Variants in NRXN1 observed in about 807,000 individuals in gnomAD.
NRXN1 encodes the protein neurexin 1.
Under a neutral mutation model 150.9 loss-of-function variants are expected in NRXN1, and 39 were observed. The observed-to-expected ratio is 0.26, with a 90% CI of 0.20 to 0.34. NRXN1 has a LOEUF of 0.34. NRXN1 is among the 10% of genes least tolerant of loss of function. The pLI is 1.00. For synonymous variants in NRXN1, 924 were observed against 757.0 expected (o/e 1.22, Z -3.62); for missense variants, 1,815 against 1,949.9 (o/e 0.93, Z 1.30).
intron 2 of NRXN1, among the ~76,000 whole-genome samples, chr2:50,952,586 C>A (rs570174878): frequency 3.3e-5 from 5 of 152,188 alleles, no homozygotes; most frequent in South Asian, 2.1e-4. Flanking sequence ...TATGCTACCA[C>A]GGAGTTCTTA....
At chr2:50,642,523 T>G (rs1189341317) in intron 5 of NRXN1, among the ~76,000 whole-genome samples, 1 of 152,012 alleles carries the variant, frequency 6.6e-6, no homozygotes, top group African/African-American at 2.4e-5. Flanking sequence ...CAAATGAAGT[T>G]AATAAGTTTG....
intron 5 of NRXN1, among the ~76,000 whole-genome samples, chr2:50,673,801 G>T (rs1441047433): frequency 6.6e-6 from 1 of 152,040 alleles, no homozygotes; most frequent in Non-Finnish European, 1.5e-5. Flanking sequence ...ACAATGACAT[G>T]TAAGACATAG....
chr2:50,431,832 C>CTT (rs139576204), intron 17 of NRXN1, among the ~76,000 whole-genome samples: 1 of 149,612 alleles, frequency 6.7e-6, no homozygotes, highest in African/African-American at 2.4e-5. Context: ...TGGTTCTCAA[C>CTT]TTTTTTTTTT....
At chr2:50,595,264 G>C (rs533617442) in intron 8 of NRXN1, among the ~76,000 whole-genome samples, 1 of 151,940 alleles carries the variant, frequency 6.6e-6, no homozygotes, top group Admixed American at 6.6e-5. Context: ...ACATATTCTG[G>C]GTTTTGGAAG....
rs185705967 is a variant in NRXN1 at position 50,859,133 on chromosome 2, C to T, written c.832+62736G>A. On this transcript the variant is annotated intron_variant, in intron 5 of 22. Transcript: ENST00000401669. The stretch of plus-strand genomic sequence containing the variant: ...TATAAAGTGAAGAAAAGTAAGGGTA[C>T]ATTTTTTTTTCCTTTATTTTTTCCC... 2.1e-4 allele frequency among the ~76,000 whole-genome samples: 32 copies of T among 151,978 alleles called. No homozygotes were observed. The East Asian group carries it at 6.0e-3, about 29-fold the overall frequency.
chr2:50,850,722 A>T (rs1018673966), intron 5 of NRXN1, among the ~76,000 whole-genome samples: 1 of 147,948 alleles, frequency 6.8e-6, no homozygotes, highest in African/African-American at 2.4e-5. Context: ...TAAAAAATCA[A>T]TATCAAAGAT....
intron 9 of NRXN1, among the ~76,000 whole-genome samples, chr2:50,541,528 A>G (rs1374900605): frequency 6.6e-6 from 1 of 152,140 alleles, no homozygotes; most frequent in Non-Finnish European, 1.5e-5. Context: ...GCTTGCTTTG[A>G]GCAAAGTATT....
At chr2:50,770,160 C>T (rs566174650) in intron 5 of NRXN1, among the ~76,000 whole-genome samples, 1 of 151,966 alleles carries the variant, frequency 6.6e-6, no homozygotes, top group Non-Finnish European at 1.5e-5. Context: ...AATAATATTG[C>T]AGAAGTTTAA....
chr2:50,160,847 A>G (rs2059321319), intron 18 of NRXN1, among the ~76,000 whole-genome samples: 1 of 152,182 alleles, frequency 6.6e-6, no homozygotes, highest in South Asian at 2.1e-4. Flanking sequence ...ACTAAACACA[A>G]CAGTGTGAGA....
At chr2:50,903,705 A>G (rs1683268930) in intron 5 of NRXN1, among the ~76,000 whole-genome samples, 1 of 152,140 alleles carries the variant, frequency 6.6e-6, no homozygotes, top group Admixed American at 6.5e-5. Flanking sequence ...TTTCCTCTCA[A>G]TACGTCCTTA....
chr2:50,424,268 CA>C (rs1257977038), intron 17 of NRXN1, among the ~76,000 whole-genome samples: 6 of 78,436 alleles, frequency 7.6e-5, no homozygotes, highest in East Asian at 1.0e-3. Context: ...AAGAGGAGGA[CA>C]GGGGAAGGGG....
At chr2:50,489,721 A>G (rs1359287637) in intron 15 of NRXN1, among the ~76,000 whole-genome samples, 1 of 152,190 alleles carries the variant, frequency 6.6e-6, no homozygotes, top group African/African-American at 2.4e-5. Context: ...TAATGTCAGA[A>G]AAATTCAGAA....
chr2:51,022,658 G>A (rs952766737), intron 2 of NRXN1, among the ~76,000 whole-genome samples: 1 of 152,032 alleles, frequency 6.6e-6, no homozygotes, highest in African/African-American at 2.4e-5. Context: ...TTCCTACAAT[G>A]GCAGACTTCA....
At chr2:50,775,617 G>C (rs1283303054) in intron 5 of NRXN1, among the ~76,000 whole-genome samples, 4 of 152,076 alleles carry the variant, frequency 2.6e-5, no homozygotes, top group African/African-American at 9.7e-5. Context: ...AGACACGAGA[G>C]ATAATTTATT....
chr2:50,815,334 C>G (rs10427251), intron 5 of NRXN1, among the ~76,000 whole-genome samples: 17,520 of 151,976 alleles, frequency 0.12, 2,241 homozygotes, highest in African/African-American at 0.31. Flanking sequence ...TTTCTAAATC[C>G]CATTAGAATG....
At chr2:50,505,971 G>A (rs576379554) in intron 13 of NRXN1, among the ~76,000 whole-genome samples, 1 of 152,238 alleles carries the variant, frequency 6.6e-6, no homozygotes, top group South Asian at 2.1e-4. Context: ...TCTAAAAATG[G>A]GGGTTGAACT....
At chr2:50,830,733 T>A (rs562262203) in intron 5 of NRXN1, among the ~76,000 whole-genome samples, 50 of 150,074 alleles carry the variant, frequency 3.3e-4, no homozygotes, top group African/African-American at 1.2e-3. Flanking sequence ...TAGATTCCTA[T>A]AAGAGGTCTC....
intron 21 of NRXN1, among the ~76,000 whole-genome samples, chr2:50,009,714 AAT>A (rs1240398647): frequency 6.6e-6 from 1 of 152,176 alleles, no homozygotes; most frequent in African/African-American, 2.4e-5. Context: ...ATACAATCAT[AAT>A]AGTCGCCTGA....
intron 5 of NRXN1, among the ~76,000 whole-genome samples, chr2:50,870,644 C>A (rs967858234): frequency 6.6e-6 from 1 of 151,910 alleles, no homozygotes; most frequent in Non-Finnish European, 1.5e-5. Context: ...ATGTGTTGCC[C>A]TATTATCTTC....
Sources: gnomAD v4.1 joint callset for allele counts (sites outside exome capture counted in the v4.1 genomes callset) on GRCh38, gnomAD v4.1.1 for gene constraint, MANE v1.5 for transcripts, NCBI Gene and HGNC (gene_info 2026-07-23, HGNC 2026-07-21) for gene names.